Variants in ANTXR2 observed in about 807,000 individuals in gnomAD.
The protein encoded by ANTXR2 is ANTXR cell adhesion molecule 2.
ANTXR2 carries 44 observed loss-of-function variants against 73.7 expected under a neutral mutation model. The observed-to-expected ratio is 0.60, with a 90% confidence interval of 0.47 to 0.77. ANTXR2 has a LOEUF of 0.77. ANTXR2 is among the 30% of genes least tolerant of loss of function. The probability of loss-of-function intolerance (pLI) is 0.00; values close to 1 mark genes in which losing one functional copy is unlikely to be tolerated. For missense variants in ANTXR2, 604 were observed against 592.5 expected, an observed-to-expected ratio of 1.02 and a Z score of -0.20; for synonymous variants, 217 against 205.9, an observed-to-expected ratio of 1.05 and a Z score of -0.46.
chr4:80,003,124 C>T (rs555782271), intron 12 of ANTXR2, among the ~76,000 whole-genome samples: 46 of 152,010 alleles, frequency 3.0e-4, no homozygotes, highest in Non-Finnish European at 4.9e-4. Flanking sequence ...ATGTTTATTG[C>T]GGCACTACAC....
intron 12 of ANTXR2, among the ~76,000 whole-genome samples, chr4:79,994,865 G>C (rs1165100418): frequency 6.6e-6 from 1 of 151,854 alleles, no homozygotes; most frequent in Non-Finnish European, 1.5e-5. Context: ...ATAAACATGA[G>C]CCAGTTTTTC....
chr4:79,950,341 C>T (rs1271096457), intron 16 of ANTXR2, among the ~76,000 whole-genome samples: 1 of 152,020 alleles, frequency 6.6e-6, no homozygotes, highest in African/African-American at 2.4e-5. Flanking sequence ...TAGTTATTAC[C>T]CTTGTCGATT....
At chr4:79,975,855 C>G (rs1353127584) in intron 16 of ANTXR2, among the ~76,000 whole-genome samples, 1 of 151,266 alleles carries the variant, frequency 6.6e-6, no homozygotes, top group East Asian at 2.0e-4. Flanking sequence ...ATGGTCTTAG[C>G]AAACAGTAAA....
chr4:80,021,711 G>A (rs927257290), intron 10 of ANTXR2, among the ~76,000 whole-genome samples: 21 of 151,844 alleles, frequency 1.4e-4, no homozygotes, highest in African/African-American at 4.3e-4. Context: ...TCTTGTAACC[G>A]ACAAAAATAA....
In ANTXR2 at chr4:79,901,311, CA is replaced by C. The variant is rs1726692986; in HGVS notation, c.*6117del. The C allele has an allele frequency of 6.6e-6, 1 of 152,052 alleles. No homozygotes were observed. The highest frequency in any genetic ancestry group is 2.4e-5 in the African/African-American group (1 of 41,422). The allele number at this position is 152,052 out of a possible 1,614,324, so 9.4% of individuals were successfully genotyped here. A position where few individuals can be genotyped will look rare whatever the true frequency, so the allele number is the denominator to read the frequency against. ...GTTTTTCTTTCCCCAATTACTTATA[CA>C]AATCAGATGGTGGAGTACATGATAA... On this transcript the variant is annotated 3_prime_UTR_variant, in exon 17 of 17. Coordinates refer to ENST00000403729, the MANE Select transcript of ANTXR2 (RefSeq NM_058172.6).
chr4:79,933,352 G>A (rs1375106857), intron 16 of ANTXR2, among the ~76,000 whole-genome samples: 1 of 152,044 alleles, frequency 6.6e-6, no homozygotes, highest in Non-Finnish European at 1.5e-5. Context: ...AGAAACTTTT[G>A]CAATTTGTCT....
intron 16 of ANTXR2, among the ~76,000 whole-genome samples, chr4:79,926,721 C>G (rs1727794597): frequency 1.3e-5 from 2 of 151,952 alleles, no homozygotes; most frequent in African/African-American, 2.4e-5. Flanking sequence ...TATTCCTATG[C>G]CAAGCAAAAA....
rs770696566 is a variant in ANTXR2 at position 80,071,569 on chromosome 4, A to C, written c.224+14T>G. ...ACTTCTCCACTGCCTAGAAAAGTAA[A>C]GTAAGAAAGATACCTCACAAATCTC... is the stretch of plus-strand genomic sequence containing the variant. On this transcript the variant is annotated intron_variant, in intron 2 of 16. Coordinates refer to ENST00000403729, the MANE Select transcript of ANTXR2 (RefSeq NM_058172.6). 1.9e-6 allele frequency: 3 copies of C among 1,602,996 alleles called. No homozygotes were observed. The East Asian group carries it at 6.7e-5, about 36-fold the overall frequency.
intron 11 of ANTXR2, among the ~76,000 whole-genome samples, chr4:80,014,179 C>T (rs1731728312): frequency 6.6e-6 from 1 of 152,048 alleles, no homozygotes; most frequent in Admixed American, 6.6e-5. Context: ...GACAGCCTTA[C>T]CTATTTCTTC....
At chr4:80,005,205 A>G (rs1266247648) in intron 12 of ANTXR2, among the ~76,000 whole-genome samples, 1 of 152,128 alleles carries the variant, frequency 6.6e-6, no homozygotes, top group Non-Finnish European at 1.5e-5. Context: ...TGAGCATACG[A>G]TGCTCATGGA....
chr4:79,966,714 T>C (rs940923226), intron 16 of ANTXR2, among the ~76,000 whole-genome samples: 8 of 152,188 alleles, frequency 5.3e-5, no homozygotes, highest in African/African-American at 1.9e-4. Flanking sequence ...TATGATTTTA[T>C]TTAAACAAAT....
intron 12 of ANTXR2, among the ~76,000 whole-genome samples, chr4:79,994,619 T>C (rs1020796219): frequency 6.6e-6 from 1 of 151,964 alleles, no homozygotes. Flanking sequence ...TGAGAATTAT[T>C]CAACATCTCT....
chr4:79,985,519 T>C (rs1418027498), intron 12 of ANTXR2, among the ~76,000 whole-genome samples: 2 of 152,038 alleles, frequency 1.3e-5, no homozygotes, highest in Non-Finnish European at 2.9e-5. Flanking sequence ...ACCATCAAGC[T>C]GTGAGGAAAC....
At chr4:79,933,735 GTT>G (rs10689799) in intron 16 of ANTXR2, among the ~76,000 whole-genome samples, 1 of 68,946 alleles carries the variant, frequency 1.5e-5, no homozygotes, top group Non-Finnish European at 2.5e-5. Context: ...TGGTGTGTTT[GTT>G]TTTTTTTTTT....
intron 16 of ANTXR2, among the ~76,000 whole-genome samples, chr4:79,919,865 T>TTATATATATATA (rs869257072): frequency 5.6e-5 from 1 of 17,856 alleles, no homozygotes; most frequent in African/African-American, 2.2e-4. Context: ...AATACATATT[T>TTATATATATATA]TATATATATA....
At chr4:79,931,444 G>T (rs948637414) in intron 16 of ANTXR2, among the ~76,000 whole-genome samples, 1 of 116,878 alleles carries the variant, frequency 8.6e-6, no homozygotes, top group Admixed American at 8.9e-5. Flanking sequence ...GGATTTCCTC[G>T]CTTCTTCTCT....
chr4:79,991,106 C>A (rs930160184), intron 12 of ANTXR2, among the ~76,000 whole-genome samples: 7 of 151,962 alleles, frequency 4.6e-5, no homozygotes, highest in African/African-American at 1.7e-4. Flanking sequence ...CAAGTAGGAC[C>A]TAATTAAACT....
intron 3 of ANTXR2, among the ~76,000 whole-genome samples, chr4:80,067,609 G>C (rs1734566167): frequency 6.6e-6 from 1 of 152,164 alleles, no homozygotes; most frequent in Non-Finnish European, 1.5e-5. Context: ...TTTTCATAAA[G>C]GCGAGAACTG....
intron 16 of ANTXR2, among the ~76,000 whole-genome samples, chr4:79,976,191 C>A (rs113142831): frequency 0.069 from 10,543 of 151,986 alleles, 446 homozygotes; most frequent in Middle Eastern, 0.11. Flanking sequence ...GGATTACAGG[C>A]GTGAGCCACC....
Sources: gnomAD v4.1 joint callset for allele counts (sites outside exome capture counted in the v4.1 genomes callset) on GRCh38, gnomAD v4.1.1 for gene constraint, MANE v1.5 for transcripts, NCBI Gene and HGNC (gene_info 2026-07-23, HGNC 2026-07-21) for gene names.